The following SIK3 variants were observed in gnomAD, a reference collection of about 807,000 sequenced individuals.
SIK3 encodes SIK family kinase 3.
SIK3 carries 28 observed loss-of-function variants against 144.2 expected under a neutral mutation model. The observed-to-expected ratio is 0.19, with a 90% CI of 0.14 to 0.27. The LOEUF is 0.27. Among genes scored for constraint, SIK3 ranks in the 10% least tolerant of loss-of-function variants. The probability of loss-of-function intolerance (pLI) is 1.00; values close to 1 mark genes in which losing one functional copy is unlikely to be tolerated. For synonymous variants in SIK3, 686 were observed against 676.3 expected (o/e 1.01, Z -0.22); for missense variants, 1,319 against 1,776.0 (o/e 0.74, Z 4.62).
intron 18 of SIK3, 109 bp downstream of exon 18, chr11:116,861,732 G>T: frequency 1.4e-6 from 1 of 733,646 alleles, no homozygotes; most frequent in Non-Finnish European, 2.2e-6. Flanking sequence ...TTTTCAAATA[G>T]ATTCTTGCAA....
chr11:116,984,706 C>CACA (rs11440261), intron 1 of SIK3, among the ~76,000 whole-genome samples: 71 of 152,028 alleles, frequency 4.7e-4, no homozygotes, highest in African/African-American at 1.5e-3. Context: ...CACACACACA[C>CACA]CACAGACACC....
intron 11 of SIK3, among the ~76,000 whole-genome samples, chr11:116,874,788 C>T (rs919681923): frequency 6.6e-6 from 1 of 152,184 alleles, no homozygotes; most frequent in Non-Finnish European, 1.5e-5. Flanking sequence ...TCTCTTCCTA[C>T]TCAGCAAAGA....
At chr11:117,039,442 T>C (rs1952650066) in intron 1 of SIK3, among the ~76,000 whole-genome samples, 1 of 152,176 alleles carries the variant, frequency 6.6e-6, no homozygotes, top group African/African-American at 2.4e-5. Flanking sequence ...AACCCTACAA[T>C]TAACTCAGTT....
chr11:116,883,096 G>T (rs944902705), intron 6 of SIK3, among the ~76,000 whole-genome samples: 1 of 152,178 alleles, frequency 6.6e-6, no homozygotes, highest in Non-Finnish European at 1.5e-5. Flanking sequence ...AGCCCTGGGG[G>T]AGAAGTGATG....
At chr11:117,047,498 G>C (rs1186872101) in intron 1 of SIK3, among the ~76,000 whole-genome samples, 2 of 152,150 alleles carry the variant, frequency 1.3e-5, no homozygotes, top group Non-Finnish European at 2.9e-5. Flanking sequence ...TTTCAGGAAA[G>C]AGTATAAATA....
At chr11:116,930,188 C>T (rs1374594028) in intron 3 of SIK3, among the ~76,000 whole-genome samples, 1 of 152,074 alleles carries the variant, frequency 6.6e-6, no homozygotes, top group Non-Finnish European at 1.5e-5. Context: ...CACATGCAAG[C>T]TCCTTCCAGT....
intron 6 of SIK3, among the ~76,000 whole-genome samples, chr11:116,882,023 T>C (rs1189347759): frequency 1.3e-5 from 2 of 152,072 alleles, no homozygotes; most frequent in Non-Finnish European, 2.9e-5. Context: ...AATAAACACA[T>C]TATTGGTATT....
chr11:116,881,644 T>C (rs1430869471), intron 6 of SIK3, among the ~76,000 whole-genome samples: 1 of 152,064 alleles, frequency 6.6e-6, no homozygotes, highest in Admixed American at 6.5e-5. Context: ...CCGTGTGGAT[T>C]TGACTGAAAA....
chr11:117,000,763 A>C (rs528641758), intron 1 of SIK3, among the ~76,000 whole-genome samples: 10 of 152,370 alleles, frequency 6.6e-5, no homozygotes, highest in African/African-American at 2.4e-4. Flanking sequence ...CATTTCTTAC[A>C]GACTATTAAT....
chr11:117,077,211 C>A (rs139239078), intron 1 of SIK3, among the ~76,000 whole-genome samples: 35 of 152,284 alleles, frequency 2.3e-4, no homozygotes, highest in Middle Eastern at 3.4e-3. Flanking sequence ...TGAAACACTG[C>A]TCAAAACAGC....
intron 12 of SIK3, 88 bp downstream of exon 12, chr11:116,873,803 ATAAGTAAACCCT>A: frequency 6.7e-7 from 1 of 1,494,116 alleles, no homozygotes; most frequent in South Asian, 1.3e-5. Context: ...ATCTTTCTCT[ATAAGTAAACCCT>A]TAAGTCCTAG....
At position 116,952,233 on chromosome 11, in the gene SIK3, C is replaced by T. The variant is rs932008866; in HGVS notation, c.454+1811G>A. Among the ~76,000 whole-genome samples, 108 of 152,130 alleles carry T rather than the reference C, an allele frequency of 7.1e-4. 1 individual carries two copies. Among genetic ancestry groups the T allele is most frequent in the African/African-American group, 2.4e-3 (101 of 41,518 alleles). ...CTGAACAATATAGTGAGACCCCCGTCTCTACTAAAAATTTAAAAATTAGCC... is the reference window on the plus strand; with the variant it reads ...CTGAACAATATAGTGAGACCCCCGTTTCTACTAAAAATTTAAAAATTAGCC... On this transcript the variant is annotated intron_variant, in intron 3 of 24. Coordinates refer to ENST00000445177, the MANE Select transcript of SIK3 (RefSeq NM_001366686.3).
chr11:116,946,057 T>G (rs1382025430), intron 3 of SIK3, among the ~76,000 whole-genome samples: 1 of 152,258 alleles, frequency 6.6e-6, no homozygotes, highest in Non-Finnish European at 1.5e-5. Context: ...TCCTTCTTCA[T>G]GTGCAAGGCT....
At chr11:116,934,282 G>A (rs1270021910) in intron 3 of SIK3, among the ~76,000 whole-genome samples, 1 of 152,164 alleles carries the variant, frequency 6.6e-6, no homozygotes, top group South Asian at 2.1e-4. Flanking sequence ...TTTATTAAAA[G>A]AACAAAAGAT....
intron 3 of SIK3, among the ~76,000 whole-genome samples, chr11:116,949,280 T>C (rs1712263510): frequency 1.3e-5 from 2 of 152,232 alleles, no homozygotes; most frequent in African/African-American, 4.8e-5. Flanking sequence ...GTGATTCCTC[T>C]GGAACAGGCA....
Position 116,846,234 on chromosome 11 carries a change from A to G in SIK3, c.*13+149T>C. ...CCTAAAACTAGCAGCGTCGTTAATG[A>G]AAAGCAAGAAACTGTGAAGGCCACG... On this transcript the variant is annotated intron_variant, in intron 24 of 24. Coordinates refer to ENST00000445177, the MANE Select transcript of SIK3 (RefSeq NM_001366686.3). This position sits in a 1 kb window ranked among gnomAD's most constrained non-coding sequence, Gnocchi z 4.1. 1.3e-6 allele frequency: 1 copy of G among 766,818 alleles called. No homozygotes were observed. The highest frequency in any genetic ancestry group is 2.1e-6 in the Non-Finnish European group (1 of 477,104). The allele number at this position is 766,818 out of a possible 1,614,324, so 47.5% of individuals were successfully genotyped here.
At chr11:117,081,521 G>A (rs976440638) in intron 1 of SIK3, among the ~76,000 whole-genome samples, 3 of 152,232 alleles carry the variant, frequency 2.0e-5, no homozygotes, top group Non-Finnish European at 4.4e-5. Context: ...CTACTCAGGA[G>A]GCTGAGGCAG....
chr11:116,968,274 C>T (rs1344322893), intron 1 of SIK3, among the ~76,000 whole-genome samples: 1 of 152,148 alleles, frequency 6.6e-6, no homozygotes, highest in African/African-American at 2.4e-5. Flanking sequence ...TCCCAAGTAG[C>T]TGGGACTACA....
At chr11:117,013,018 T>C (rs1591534320) in intron 1 of SIK3, among the ~76,000 whole-genome samples, 1 of 152,052 alleles carries the variant, frequency 6.6e-6, no homozygotes, top group East Asian at 1.9e-4. Flanking sequence ...GCCATTACTT[T>C]TAATGGCAAA....
Sources: gnomAD v4.1 joint callset for allele counts (sites outside exome capture counted in the v4.1 genomes callset) on GRCh38, gnomAD v4.1.1 for gene constraint, Gnocchi (gnomAD v3.1) non-coding constraint, MANE v1.5 for transcripts, NCBI Gene and HGNC (gene_info 2026-07-23, HGNC 2026-07-21) for gene names.